DCBLD2: variants seen among roughly 807,000 people sequenced by gnomAD.
The protein encoded by DCBLD2 is discoidin, CUB and LCCL domain containing 2.
Under a neutral mutation model 86.8 loss-of-function variants are expected in DCBLD2, and 54 were observed. That is an observed-to-expected ratio of 0.62 (90% CI 0.50 to 0.78). DCBLD2 has a LOEUF of 0.78. Among genes scored for constraint, DCBLD2 ranks in the 30% least tolerant of loss-of-function variants. DCBLD2 has a pLI of 0.00. For synonymous variants in DCBLD2, 354 were observed against 341.3 expected, an observed-to-expected ratio of 1.04 and a Z score of -0.41; for missense variants, 908 against 954.2, an observed-to-expected ratio of 0.95 and a Z score of 0.64.
At chr3:98,812,661 C>A in intron 9 of DCBLD2, 179 bp from the exon 10 acceptor site, 1 of 480,986 alleles carries the variant, frequency 2.1e-6, no homozygotes. Flanking sequence ...AGATGCTGCA[C>A]ATTTTTATCA....
intron 1 of DCBLD2, among the ~76,000 whole-genome samples, chr3:98,886,281 T>C (rs1016951724): frequency 1.3e-5 from 2 of 152,092 alleles, no homozygotes; most frequent in African/African-American, 4.8e-5. Flanking sequence ...TCAGGAGCTC[T>C]TAACATTAGG....
intron 2 of DCBLD2, among the ~76,000 whole-genome samples, chr3:98,854,895 A>G (rs1368772055): frequency 1.3e-5 from 2 of 152,214 alleles, no homozygotes; most frequent in African/African-American, 4.8e-5. Context: ...AAATCCAATA[A>G]GGCTTTAAGT....
intron 10 of DCBLD2, among the ~76,000 whole-genome samples, chr3:98,811,815 T>G (rs1941945217): frequency 1.3e-5 from 2 of 152,174 alleles, no homozygotes; most frequent in Non-Finnish European, 2.9e-5. Context: ...AAAGTGATGT[T>G]GAATGCTAAA....
At chr3:98,878,395 A>T (rs909828653) in intron 2 of DCBLD2, among the ~76,000 whole-genome samples, 1 of 152,184 alleles carries the variant, frequency 6.6e-6, no homozygotes, top group Admixed American at 6.5e-5. Context: ...TCATTAGCCC[A>T]TATACTTCAA....
Position 98,901,503 on chromosome 3 carries a change from G to T in DCBLD2, c.-177C>A. On this transcript the variant is annotated 5_prime_UTR_variant, in exon 1 of 16. Coordinates refer to ENST00000326840, the MANE Select transcript of DCBLD2 (RefSeq NM_080927.4). The stretch of plus-strand genomic sequence containing the variant: ...CCCCGCTTTCACCTACTCCTCCTTC[G>T]TCCCTTCCCTCCGCTCCCCGCGCCG... 1 of 516,818 alleles carries T rather than the reference G, an allele frequency of 1.9e-6. No individual in the cohort carries two copies. Among genetic ancestry groups the T allele is most frequent in the Non-Finnish European group, 2.9e-6 (1 of 341,460 alleles). The allele number at this position is 516,818 out of a possible 1,614,324, so 32.0% of individuals were successfully genotyped here. A position where few individuals can be genotyped will look rare whatever the true frequency, so the allele number is the denominator to read the frequency against.
chr3:98,852,119 C>A (rs1576181874), intron 2 of DCBLD2, among the ~76,000 whole-genome samples: 1 of 152,292 alleles, frequency 6.6e-6, no homozygotes, highest in East Asian at 1.9e-4. Context: ...CCAATTTATT[C>A]CCCTTCTCCC....
chr3:98,838,642 G>A (rs987772170), intron 3 of DCBLD2, among the ~76,000 whole-genome samples: 2 of 152,108 alleles, frequency 1.3e-5, no homozygotes, highest in African/African-American at 4.8e-5. Flanking sequence ...TCCCAGACGG[G>A]GTGGCGGCTG....
intron 2 of DCBLD2, among the ~76,000 whole-genome samples, chr3:98,870,232 C>T (rs1049947547): frequency 2.0e-5 from 3 of 152,100 alleles, no homozygotes; most frequent in Admixed American, 6.6e-5. Context: ...TCTGCTTTGT[C>T]AAAGATCAGT....
intron 4 of DCBLD2, among the ~76,000 whole-genome samples, chr3:98,823,870 C>G (rs62278489): frequency 0.035 from 5,316 of 152,198 alleles, 117 homozygotes; most frequent in Non-Finnish European, 0.054. Flanking sequence ...AGTCCATGCT[C>G]TTATGCAGGA....
intron 2 of DCBLD2, among the ~76,000 whole-genome samples, chr3:98,858,334 G>A (rs1942975528): frequency 6.6e-6 from 1 of 152,246 alleles, no homozygotes; most frequent in African/African-American, 2.4e-5. Context: ...AGCTGAGGGA[G>A]CCGGCTCCGG....
At chr3:98,868,356 T>A (rs952156700) in intron 2 of DCBLD2, among the ~76,000 whole-genome samples, 5 of 152,178 alleles carry the variant, frequency 3.3e-5, no homozygotes, top group Non-Finnish European at 7.3e-5. Context: ...GGTTGAAGAA[T>A]AAGAAGATAT....
At chr3:98,880,794 G>A (rs979282883) in intron 2 of DCBLD2, among the ~76,000 whole-genome samples, 2 of 152,140 alleles carry the variant, frequency 1.3e-5, no homozygotes, top group African/African-American at 4.8e-5. Context: ...TCTGGCCAAA[G>A]TCACACAGCA....
At chr3:98,854,254 T>C (rs1193183558) in intron 2 of DCBLD2, among the ~76,000 whole-genome samples, 1 of 152,196 alleles carries the variant, frequency 6.6e-6, no homozygotes, top group Non-Finnish European at 1.5e-5. Context: ...TATCATTAAA[T>C]AACTCCCATC....
intron 2 of DCBLD2, among the ~76,000 whole-genome samples, chr3:98,875,362 T>A (rs1943350688): frequency 1.3e-5 from 2 of 152,022 alleles, no homozygotes; most frequent in Admixed American, 1.3e-4. Context: ...AAAAAATGTG[T>A]AAACCCTACA....
At position 98,817,906 on chromosome 3, in the gene DCBLD2, G is replaced by A. The variant is rs756339869; in HGVS notation, c.1088-13C>T. The stretch of plus-strand genomic sequence containing the variant: ...GTGGTTATAATGCCTGGGGAATGAA[G>A]AGTTGCTTTCATTAATGCACATGGT... On this transcript the variant is annotated splice_polypyrimidine_tract_variant and intron_variant, in intron 8 of 15. Coordinates refer to ENST00000326840, the MANE Select transcript of DCBLD2 (RefSeq NM_080927.4). 1.4e-5 allele frequency: 22 copies of A among 1,611,812 alleles called. No homozygotes were observed. The East Asian group carries it at 4.9e-4, about 36-fold the overall frequency.
intron 2 of DCBLD2, among the ~76,000 whole-genome samples, chr3:98,863,202 C>G (rs1309320061): frequency 6.6e-6 from 1 of 152,190 alleles, no homozygotes; most frequent in African/African-American, 2.4e-5. Context: ...CTACAAACCA[C>G]TGCTCAACAA....
chr3:98,819,486 G>A (rs943787037), intron 7 of DCBLD2, 69 bp from the exon 8 acceptor site: 1 of 1,510,804 alleles, frequency 6.6e-7, no homozygotes, highest in Non-Finnish European at 9.1e-7. Flanking sequence ...CCTGCTCACT[G>A]AAAACTTTCT....
chr3:98,805,756 A>G (rs1332442997), intron 13 of DCBLD2, among the ~76,000 whole-genome samples: 1 of 152,188 alleles, frequency 6.6e-6, no homozygotes, highest in Non-Finnish European at 1.5e-5. Flanking sequence ...GGATGTCCAC[A>G]GGGTCCTTTC....
chr3:98,812,763 G>T, intron 9 of DCBLD2: 1 of 236,044 alleles, frequency 4.2e-6, no homozygotes, highest in Non-Finnish European at 8.2e-6. Context: ...TTGGGTAAAA[G>T]GTTTCAAATC....
Sources: allele counts gnomAD v4.1 joint callset (sites outside exome capture counted in the v4.1 genomes callset), GRCh38; gene constraint gnomAD v4.1.1; transcripts MANE v1.5; gene names NCBI Gene and HGNC (gene_info 2026-07-23, HGNC 2026-07-21).